The following TPTE2 variants were observed in gnomAD, a reference collection of about 807,000 sequenced individuals.
TPTE2 encodes the protein transmembrane phosphoinositide 3-phosphatase and tensin homolog 2, also known as phosphatidylinositol 3,4,5-trisphosphate 3-phosphatase TPTE2.
A neutral mutation model predicts 78.6 loss-of-function variants in TPTE2; 53 were observed. The ratio of observed to expected loss-of-function variants is 0.67; its 90% CI spans 0.54 to 0.85. The LOEUF is 0.85. Ranked by LOEUF, TPTE2 falls within the 40% of genes least tolerant of loss-of-function variation. The pLI, the probability that TPTE2 is intolerant of heterozygous loss-of-function variation, is 0.00. For missense variants in TPTE2, 461 were observed against 623.0 expected (o/e 0.74, Z 2.77); for synonymous variants, 175 against 206.2 (o/e 0.85, Z 1.30).
intron 7 of TPTE2, 69 bp from the exon 11 acceptor site, chr13:19,465,633 G>A: frequency 7.6e-7 from 1 of 1,318,244 alleles, no homozygotes. Flanking sequence ...ACTATGTCTA[G>A]AGCAGCAGTT....
chr13:19,458,428 A>C, intron 10 of TPTE2: 2 of 400,028 alleles, frequency 5.0e-6, no homozygotes, highest in South Asian at 4.0e-5. Context: ...TTTTGAGATA[A>C]GCTATCAAGT....
Position 19,423,174 on chromosome 13 carries a change from GA to G in TPTE2, c.1467-11del, listed in dbSNP as rs534232034. ...TCTTGGTAGACAAAGCCTAAGAATA[GA>G]AAAAAAAAATTACATTTTATATTGG... On this transcript the variant is annotated splice_polypyrimidine_tract_variant and intron_variant, in intron 19 of 19. Transcript: ENST00000400230. 5,490 of 1,506,054 alleles carry G rather than the reference GA, an allele frequency of 3.6e-3. 136 individuals are homozygous for G. In the South Asian group the frequency reaches 0.049, roughly 14 times the overall value. The allele number at this position is 1,506,054 out of a possible 1,614,324, so 93.3% of individuals were successfully genotyped here.
the TPTE2 span, among the ~76,000 whole-genome samples, chr13:19,542,883 T>A: frequency 6.6e-6 from 1 of 151,384 alleles, no homozygotes; most frequent in East Asian, 1.9e-4. Flanking sequence ...CCCAGCTACA[T>A]GGAAGGCTGC....
At chr13:19,469,888 T>C (rs1164978956) in intron 6 of TPTE2, among the ~76,000 whole-genome samples, 1 of 152,248 alleles carries the variant, frequency 6.6e-6, no homozygotes, top group African/African-American at 2.4e-5. Flanking sequence ...CCTGCAACTT[T>C]ACTGAATTTA....
chr13:19,560,514 C>G, the TPTE2 span: 3 of 1,589,152 alleles, frequency 1.9e-6, no homozygotes, highest in Non-Finnish European at 2.6e-6. Context: ...GTACTGACAT[C>G]TGGTCAGACA....
intron 19 of TPTE2, among the ~76,000 whole-genome samples, chr13:19,423,908 T>C (rs1300707802): frequency 5.3e-5 from 8 of 152,218 alleles, no homozygotes; most frequent in Non-Finnish European, 8.8e-5. Context: ...GGTCTCACTT[T>C]TTGAGGGACT....
chr13:19,544,411 C>T, the TPTE2 span, among the ~76,000 whole-genome samples: 1 of 62,650 alleles, frequency 1.6e-5, no homozygotes, highest in Non-Finnish European at 4.4e-5. Context: ...CTGAATGAAT[C>T]AATGAATGAA....
At chr13:19,539,299 A>G (rs1487613824), upstream of TPTE2, among the ~76,000 whole-genome samples, 1 of 152,232 alleles carries the variant, frequency 6.6e-6, no homozygotes, top group Non-Finnish European at 1.5e-5. Flanking sequence ...CCCCACATGA[A>G]GTGGGAGGGA....
intron 1 of TPTE2, among the ~76,000 whole-genome samples, chr13:19,534,321 A>C (rs1465883707): frequency 6.6e-6 from 1 of 152,220 alleles, no homozygotes; most frequent in Non-Finnish European, 1.5e-5. Context: ...ACCATCATAA[A>C]GTTGAAAAAT....
At chr13:19,512,206 T>G (rs1869497838) in intron 1 of TPTE2, among the ~76,000 whole-genome samples, 1 of 152,218 alleles carries the variant, frequency 6.6e-6, no homozygotes, top group Non-Finnish European at 1.5e-5. Context: ...TCATCTCATA[T>G]AAAAGACGTT....
chr13:19,517,692 T>C (rs1358465236), intron 1 of TPTE2, among the ~76,000 whole-genome samples: 1 of 152,180 alleles, frequency 6.6e-6, no homozygotes, highest in East Asian at 1.9e-4. Flanking sequence ...GTCAGTTCTG[T>C]AATAAGAACT....
chr13:19,495,988 C>T (rs1311607354), intron 1 of TPTE2, among the ~76,000 whole-genome samples: 2 of 152,160 alleles, frequency 1.3e-5, no homozygotes, highest in Non-Finnish European at 2.9e-5. Context: ...CCTGCCTCAG[C>T]CTCCCAACTA....
intron 6 of TPTE2, among the ~76,000 whole-genome samples, chr13:19,473,564 G>A (rs936427114): frequency 5.0e-5 from 7 of 139,890 alleles, no homozygotes; most frequent in African/African-American, 2.3e-4. Flanking sequence ...AAGTCAGTTT[G>A]TGGTGAATGC....
chr13:19,469,217 G>A (rs1879461060), intron 6 of TPTE2, among the ~76,000 whole-genome samples: 1 of 152,158 alleles, frequency 6.6e-6, no homozygotes, highest in African/African-American at 2.4e-5. Flanking sequence ...AGAGGTAGGG[G>A]TCTAGGTGCA....
chr13:19,491,932 A>G (rs1006884982), intron 3 of TPTE2, among the ~76,000 whole-genome samples: 16 of 152,152 alleles, frequency 1.1e-4, no homozygotes, highest in Non-Finnish European at 1.8e-4. Context: ...TCAATGCTAC[A>G]TACAAAACTC....
At chr13:19,471,552 TA>T (rs1879614693) in intron 6 of TPTE2, among the ~76,000 whole-genome samples, 2 of 152,248 alleles carry the variant, frequency 1.3e-5, no homozygotes, top group South Asian at 4.1e-4. Flanking sequence ...AGGAAACTAA[TA>T]AAAACCCTAC....
chr13:19,549,035 A>C, the TPTE2 span, among the ~76,000 whole-genome samples: 1 of 151,274 alleles, frequency 6.6e-6, no homozygotes, highest in Non-Finnish European at 1.5e-5. Flanking sequence ...CAGGAGAATC[A>C]CTTAAGCCTG....
chr13:19,450,098 C>T (rs574289737), exon 13 of TPTE2: 17 of 1,611,282 alleles, frequency 1.1e-5, no homozygotes, highest in East Asian at 2.2e-5. Flanking sequence ...TACAGTGAAT[C>T]GCTACGATGT....
At chr13:19,544,072 A>AAAAAAAAAAAAAAAAAAAAC in the TPTE2 span, among the ~76,000 whole-genome samples, 1 of 149,264 alleles carries the variant, frequency 6.7e-6, no homozygotes, top group African/African-American at 2.4e-5. Context: ...AAAAAAAAAA[A>AAAAAAAAAAAAAAAAAAAAC]AAAAAAAAAA....
Sources: allele counts gnomAD v4.1 joint callset (sites outside exome capture counted in the v4.1 genomes callset), GRCh38; gene constraint gnomAD v4.1.1; transcripts MANE v1.5; gene names NCBI Gene and HGNC (gene_info 2026-07-23, HGNC 2026-07-21).